Variants in HPSE2 observed in about 807,000 individuals in gnomAD.
The protein encoded by HPSE2 is heparanase 2 (inactive), also known as inactive heparanase-2.
Under a neutral mutation model 60.5 loss-of-function variants are expected in HPSE2, and 38 were observed. The observed-to-expected ratio is 0.63, with a 90% CI of 0.48 to 0.82. HPSE2 has a LOEUF of 0.82. HPSE2 is among the 40% of genes least tolerant of loss of function. The pLI is 0.00. For missense variants in HPSE2, 713 were observed against 740.4 expected, an observed-to-expected ratio of 0.96 and a Z score of 0.43; for synonymous variants, 295 against 293.2, an observed-to-expected ratio of 1.01 and a Z score of -0.06.
At chr10:98,748,876 C>T (rs550086325) in intron 3 of HPSE2, among the ~76,000 whole-genome samples, 18 of 149,870 alleles carry the variant, frequency 1.2e-4, no homozygotes, top group South Asian at 6.3e-4. Flanking sequence ...AGGAAAAGGA[C>T]TGAGAAAAAA....
intron 3 of HPSE2, among the ~76,000 whole-genome samples, chr10:99,138,442 A>ACATGTTT (rs1257499623): frequency 1.3e-5 from 2 of 152,114 alleles, no homozygotes; most frequent in African/African-American, 4.8e-5. Context: ...ACATGCACAC[A>ACATGTTT]CATGTTTATT....
chr10:98,584,556 C>T (rs1299699604), intron 9 of HPSE2, among the ~76,000 whole-genome samples: 1 of 152,184 alleles, frequency 6.6e-6, no homozygotes, highest in Admixed American at 6.6e-5. Context: ...ATAGTTTGCA[C>T]CTCAAGTCTC....
At chr10:98,882,379 G>A (rs1180304042) in intron 3 of HPSE2, among the ~76,000 whole-genome samples, 2 of 152,062 alleles carry the variant, frequency 1.3e-5, no homozygotes, top group African/African-American at 2.4e-5. Context: ...AAGTCTCGAT[G>A]ACTTACAACA....
chr10:98,631,325 A>T (rs1946360011), intron 7 of HPSE2, among the ~76,000 whole-genome samples: 1 of 152,248 alleles, frequency 6.6e-6, no homozygotes, highest in Admixed American at 6.5e-5. Flanking sequence ...AGGCAAGGAC[A>T]TTATGATCAT....
intron 3 of HPSE2, among the ~76,000 whole-genome samples, chr10:98,851,865 A>G (rs1952180789): frequency 6.6e-6 from 1 of 152,140 alleles, no homozygotes; most frequent in Admixed American, 6.5e-5. Context: ...ACCTAGACAA[A>G]ACCAGGTTGG....
the HPSE2 span, among the ~76,000 whole-genome samples, chr10:99,298,819 C>T: frequency 1.3e-5 from 2 of 152,020 alleles, no homozygotes; most frequent in Admixed American, 1.3e-4. Flanking sequence ...GGACTACAGG[C>T]ATGTGCCACC....
At chr10:98,907,660 T>A (rs969322797) in intron 3 of HPSE2, among the ~76,000 whole-genome samples, 1 of 152,128 alleles carries the variant, frequency 6.6e-6, no homozygotes, top group Non-Finnish European at 1.5e-5. Context: ...GGGAGACAGA[T>A]CTGGATTTAA....
chr10:98,528,980 G>A (rs1161479108), intron 9 of HPSE2, among the ~76,000 whole-genome samples: 1 of 152,204 alleles, frequency 6.6e-6, no homozygotes, highest in African/African-American at 2.4e-5. Flanking sequence ...GGTAACAACC[G>A]CAAACCACTT....
intron 3 of HPSE2, among the ~76,000 whole-genome samples, chr10:98,831,231 T>C (rs1297264866): frequency 6.6e-6 from 1 of 152,282 alleles, no homozygotes; most frequent in African/African-American, 2.4e-5. Flanking sequence ...TTCACCTTCA[T>C]AGAAGCCATA....
At chr10:99,211,894 A>G (rs1848963734) in intron 2 of HPSE2, among the ~76,000 whole-genome samples, 1 of 152,164 alleles carries the variant, frequency 6.6e-6, no homozygotes, top group South Asian at 2.1e-4. Flanking sequence ...CAAGGAAACA[A>G]TCAACACAGG....
At chr10:99,277,250 T>C in the HPSE2 span, among the ~76,000 whole-genome samples, 4 of 152,238 alleles carry the variant, frequency 2.6e-5, no homozygotes, top group Non-Finnish European at 5.9e-5. Context: ...TGCACATGCA[T>C]GCAAAAATAT....
At chr10:99,203,015 C>A (rs542742639) in intron 2 of HPSE2, among the ~76,000 whole-genome samples, 55 of 152,244 alleles carry the variant, frequency 3.6e-4, no homozygotes, top group African/African-American at 1.2e-3. Flanking sequence ...GCTGGACAGG[C>A]CCCCATGGCC....
intron 9 of HPSE2, among the ~76,000 whole-genome samples, chr10:98,507,342 A>G (rs1942236566): frequency 6.6e-6 from 1 of 152,232 alleles, no homozygotes; most frequent in African/African-American, 2.4e-5. Context: ...AAAACATAAT[A>G]CATGAAAAGT....
chr10:99,048,282 C>T (rs1172322575), intron 3 of HPSE2: 1 of 491,814 alleles, frequency 2.0e-6, no homozygotes, highest in African/African-American at 2.0e-5. Context: ...AAAGTATCTT[C>T]TCCACAAGGT....
chr10:98,696,975 AC>A (rs1175124107), intron 5 of HPSE2, among the ~76,000 whole-genome samples: 5 of 152,180 alleles, frequency 3.3e-5, no homozygotes, highest in African/African-American at 9.7e-5. Flanking sequence ...AAAATGTCCC[AC>A]AAAAACCCCA....
chr10:98,996,325 G>C (rs1236451367), intron 3 of HPSE2, among the ~76,000 whole-genome samples: 1 of 152,142 alleles, frequency 6.6e-6, no homozygotes, highest in Admixed American at 6.5e-5. Flanking sequence ...GCGCCCATTA[G>C]AATCAGTAAA....
At chr10:98,952,079 G>A (rs1432120243) in intron 3 of HPSE2, among the ~76,000 whole-genome samples, 4 of 152,152 alleles carry the variant, frequency 2.6e-5, no homozygotes, top group Admixed American at 6.6e-5. Context: ...CTGTTCTTAG[G>A]TATACAAGTG....
chr10:98,922,061 A>C (rs1457193672), intron 3 of HPSE2, among the ~76,000 whole-genome samples: 1 of 152,256 alleles, frequency 6.6e-6, no homozygotes, highest in Non-Finnish European at 1.5e-5. Context: ...CAAGAAGAAA[A>C]AATTAACAGA....
chr10:98,692,260 T>C (rs1047180640), intron 6 of HPSE2, among the ~76,000 whole-genome samples: 2 of 152,184 alleles, frequency 1.3e-5, no homozygotes, highest in South Asian at 2.1e-4. Flanking sequence ...GAGGCAGATA[T>C]GCACATGGAC....
Sources: gnomAD v4.1 joint callset for allele counts (sites outside exome capture counted in the v4.1 genomes callset) on GRCh38, gnomAD v4.1.1 for gene constraint, MANE v1.5 for transcripts, NCBI Gene and HGNC (gene_info 2026-07-23, HGNC 2026-07-21) for gene names.